Variants in SLC17A3 observed in about 807,000 individuals in gnomAD.
The protein encoded by SLC17A3 is sodium-dependent phosphate transport protein 4.
A neutral mutation model predicts 60.3 loss-of-function variants in SLC17A3; 61 were observed. The observed-to-expected ratio is 1.01, with a 90% CI of 0.82 to 1.25. The LOEUF is 1.25. Among genes scored for constraint, SLC17A3 ranks in the 50% most tolerant of loss-of-function variants. SLC17A3 has a pLI of 0.00. For synonymous variants in SLC17A3, 192 were observed against 208.9 expected, an observed-to-expected ratio of 0.92 and a Z score of 0.70; for missense variants, 624 against 594.9, an observed-to-expected ratio of 1.05 and a Z score of -0.51.
chr6:25,846,231 A>G (rs1186272338), intron 11 of SLC17A3, among the ~76,000 whole-genome samples: 1 of 152,236 alleles, frequency 6.6e-6, no homozygotes, highest in Non-Finnish European at 1.5e-5. Context: ...TTAATAAAAA[A>G]CAACCATAAT....
intron 7 of SLC17A3, 29 bp from the exon 8 acceptor site, chr6:25,850,649 T>C: frequency 6.2e-7 from 1 of 1,613,710 alleles, no homozygotes; most frequent in Non-Finnish European, 8.5e-7. Context: ...GTCATAACGG[T>C]AAATCCGACA....
chr6:25,862,239 A>G lies in SLC17A3; in HGVS notation c.297T>C (p.Pro99=), dbSNP rs754811305. The change falls in exon 3 of 13, where the codon CCT becomes CCC. Residue 99 remains proline (P), a synonymous_variant. Transcript: ENST00000397060. ...TATATCTTATGTTGCTTACCTTTGC[A>G]GGAAGACTCTTTGGGGCTTTACTTA... ...GGLSKAPKSL[P]AKAPVYDWSP... The G allele has an allele frequency of 1.9e-6, 3 of 1,611,818 alleles. No individual in the cohort carries two copies. Among genetic ancestry groups the G allele is most frequent in the East Asian group, 2.2e-5 (1 of 44,868 alleles).
At chr6:25,855,023 T>G in intron 6 of SLC17A3, 121 bp downstream of exon 6, 1 of 734,806 alleles carries the variant, frequency 1.4e-6, no homozygotes, top group Admixed American at 2.2e-5. Flanking sequence ...ATTAAGATAT[T>G]TGGTTTTCTA....
intron 6 of SLC17A3, among the ~76,000 whole-genome samples, chr6:25,853,404 A>ATT (rs1266526773): frequency 4.9e-5 from 5 of 102,552 alleles, no homozygotes; most frequent in Non-Finnish European, 1.0e-4. Context: ...TAATTTCTGC[A>ATT]TGTTTTTTTT....
At chr6:25,849,201 C>A (rs1561853192) in intron 11 of SLC17A3, among the ~76,000 whole-genome samples, 173 bp downstream of exon 11, 5 of 152,110 alleles carry the variant, frequency 3.3e-5, no homozygotes, top group African/African-American at 9.7e-5. Context: ...TGAGAATGAA[C>A]CAGGCTTTAG....
chr6:25,868,206 TTAAAAA>T, intron 2 of SLC17A3, 85 bp downstream of exon 2: 1 of 969,968 alleles, frequency 1.0e-6, no homozygotes, highest in East Asian at 2.5e-5. Flanking sequence ...ATTAAAGAAC[TTAAAAA>T]TCACAAATTC....
rs562277680 is a variant in SLC17A3, at chr6:25,856,017, A to T, written c.626-787T>A. On this transcript the variant is annotated intron_variant, in intron 5 of 12. Coordinates refer to ENST00000397060, the MANE Select transcript of SLC17A3 (RefSeq NM_001098486.2). ...GTCTACGCAGTTACTCTGAACATAG[A>T]CATAATTTATTTCTGCACAATAGAA... Among the ~76,000 whole-genome samples the T allele has an allele frequency of 2.6e-4, 39 of 152,344 alleles. 1 individual carries two copies. The South Asian group carries it at 5.8e-3, about 23-fold the overall frequency.
intron 5 of SLC17A3, among the ~76,000 whole-genome samples, chr6:25,856,393 A>T (rs1765356697): frequency 6.6e-6 from 1 of 152,146 alleles, no homozygotes; most frequent in African/African-American, 2.4e-5. Flanking sequence ...ATGCCACCAC[A>T]CTTGGCTAAC....
chr6:25,867,096 T>G (rs1170250698), intron 2 of SLC17A3, among the ~76,000 whole-genome samples: 1 of 151,756 alleles, frequency 6.6e-6, no homozygotes, highest in African/African-American at 2.4e-5. Context: ...TTGATAGAAA[T>G]CTCATTCTTC....
chr6:25,856,128 C>T (rs191419581), intron 5 of SLC17A3, among the ~76,000 whole-genome samples: 2 of 152,282 alleles, frequency 1.3e-5, no homozygotes, highest in East Asian at 1.9e-4. Flanking sequence ...AAGTACCTTA[C>T]TAGAAGTGTG....
At chr6:25,849,216 C>T (rs1765228296) in intron 11 of SLC17A3, among the ~76,000 whole-genome samples, 158 bp downstream of exon 11, 3 of 152,122 alleles carry the variant, frequency 2.0e-5, no homozygotes, top group Admixed American at 1.3e-4. Flanking sequence ...CTTTAGGTCA[C>T]CAAAGAAATG....
chr6:25,871,731 T>C (rs1230902664), intron 1 of SLC17A3, among the ~76,000 whole-genome samples: 2 of 152,074 alleles, frequency 1.3e-5, no homozygotes, highest in East Asian at 3.9e-4. Flanking sequence ...ATAACTTAGA[T>C]GAGGGCTACG....
chr6:25,873,196 T>C (rs2151529809), intron 1 of SLC17A3, among the ~76,000 whole-genome samples: 2 of 152,242 alleles, frequency 1.3e-5, no homozygotes, highest in Middle Eastern at 6.8e-3. Context: ...TCTCATTATC[T>C]TCTCTTAAAT....
chr6:25,850,250 C>G, intron 8 of SLC17A3, 73 bp from the exon 9 acceptor site: 1 of 1,479,200 alleles, frequency 6.8e-7, no homozygotes, highest in Non-Finnish European at 9.3e-7. Flanking sequence ...TAAATTACTA[C>G]TAATAATAAT....
chr6:25,849,446 C>T lies in SLC17A3; in HGVS notation c.1290G>A (p.Met430Ile). Residue 430 changes from methionine to isoleucine, a missense_variant, in exon 11 of 13, where the codon ATG becomes ATA. By Grantham distance (10) the Met-to-Ile change is conservative (BLOSUM62 1). Transcript: ENST00000397060. ...DIAPRYSSFLMGASRGFSSIA... is the reference protein window; with the variant it reads ...DIAPRYSSFLIGASRGFSSIA... ...TGCTCGAAAATCCTCTTGATGCTCC[C>T]ATGAGAAAACTGGAATACCTGTGGG... 2 of 1,610,808 alleles carry T rather than the reference C, an allele frequency of 1.2e-6. No individual in the cohort carries two copies. The highest frequency in any genetic ancestry group is 1.7e-4 in the Middle Eastern group (1 of 6,056).
chr6:25,873,715 G>T (rs1765681706), intron 1 of SLC17A3, among the ~76,000 whole-genome samples: 1 of 151,918 alleles, frequency 6.6e-6, no homozygotes, highest in South Asian at 2.1e-4. Context: ...CTAGCCATTG[G>T]TATAATAGAA....
Position 25,850,606 on chromosome 6 carries a change from C to A in SLC17A3, c.846G>T (p.Lys282Asn), listed in dbSNP as rs772918256. ...SSLKQQVGSS[K>N]QPLPIKAMLR... ...GCATAGCTTTGATGGGAAGAGGCTG[C>A]TTAGAAGACCCGACCTGAAAACAAA... The change falls in exon 8 of 13, where the codon AAG (lysine) becomes AAT (asparagine). Residue 282 changes from lysine (K) to asparagine (N), a missense_variant. Lys to Asn is a moderately conservative substitution (Grantham distance 94). Coordinates refer to ENST00000397060, the MANE Select transcript of SLC17A3 (RefSeq NM_001098486.2). 6.2e-7 allele frequency: 1 copy of A among 1,613,946 alleles called. No individual in the cohort carries two copies. Among genetic ancestry groups the A allele is most frequent in the Non-Finnish European group, 8.5e-7 (1 of 1,179,900 alleles).
Position 25,845,534 on chromosome 6 carries a change from C to T in SLC17A3, c.1363-18G>A. 6.2e-7 allele frequency: 1 copy of T among 1,613,592 alleles called. No homozygotes were observed. Reference sequence around the variant, plus strand: ...TCAGGGTCCTGGAGACACAAAACCCCAAGTATATATTACCCCTTTCATATT... The same window carrying T: ...TCAGGGTCCTGGAGACACAAAACCCTAAGTATATATTACCCCTTTCATATT... On this transcript the variant is annotated intron_variant, in intron 11 of 12. Coordinates refer to ENST00000397060, the MANE Select transcript of SLC17A3 (RefSeq NM_001098486.2).
chr6:25,871,126 A>T (rs898264321), intron 1 of SLC17A3, among the ~76,000 whole-genome samples: 2 of 152,102 alleles, frequency 1.3e-5, no homozygotes, highest in African/African-American at 2.4e-5. Flanking sequence ...TGACCCAGCC[A>T]TCCCATTACT....
Sources: gnomAD v4.1 joint callset for allele counts (sites outside exome capture counted in the v4.1 genomes callset) on GRCh38, gnomAD v4.1.1 for gene constraint, MANE v1.5 for transcripts, NCBI Gene and HGNC (gene_info 2026-07-23, HGNC 2026-07-21) for gene names.